Variants in CYP7B1 observed in about 807,000 individuals in gnomAD.
CYP7B1 encodes cytochrome P450 7B1.
In CYP7B1, 29 loss-of-function variants were observed where a neutral mutation model predicts 42.7. That is an observed-to-expected ratio of 0.68 (90% CI 0.51 to 0.93). The LOEUF (loss-of-function observed/expected upper bound fraction) is 0.93, where lower values mean the gene tolerates loss of function less well. Among genes scored for constraint, CYP7B1 ranks in the 40% least tolerant of loss-of-function variants. The probability of loss-of-function intolerance (pLI) is 0.00; values close to 1 mark genes in which losing one functional copy is unlikely to be tolerated. For missense variants in CYP7B1, 655 were observed against 600.5 expected (o/e 1.09, Z -0.95); for synonymous variants, 235 against 218.2 (o/e 1.08, Z -0.68).
chr8:64,590,669 ATAGT>A (rs1805022174), downstream of CYP7B1, among the ~76,000 whole-genome samples: 1 of 152,218 alleles, frequency 6.6e-6, no homozygotes, highest in Non-Finnish European at 1.5e-5. Flanking sequence ...ATACTCTGAA[ATAGT>A]TAATATACTT....
chr8:64,605,124 T>C (rs1805260864), intron 4 of CYP7B1, among the ~76,000 whole-genome samples: 1 of 152,124 alleles, frequency 6.6e-6, no homozygotes, highest in Non-Finnish European at 1.5e-5. Context: ...TAAGATTTTG[T>C]AGGAGAGGGT....
intron 1 of CYP7B1, among the ~76,000 whole-genome samples, chr8:64,792,525 T>G (rs1804635634): frequency 6.6e-6 from 1 of 152,170 alleles, no homozygotes; most frequent in Non-Finnish European, 1.5e-5. Flanking sequence ...TACTGAGTAT[T>G]TAATCAATTG....
At chr8:64,652,037 TATA>T (rs923452634) in intron 1 of CYP7B1, among the ~76,000 whole-genome samples, 5 of 152,194 alleles carry the variant, frequency 3.3e-5, no homozygotes, top group African/African-American at 1.2e-4. Context: ...GTGAATCACA[TATA>T]ATTTTACCTG....
intron 1 of CYP7B1, among the ~76,000 whole-genome samples, chr8:64,654,963 A>G (rs1806099845): frequency 6.6e-6 from 1 of 152,216 alleles, no homozygotes; most frequent in Admixed American, 6.5e-5. Context: ...GTAACTGGCT[A>G]GCCATATGCC....
chr8:64,618,850 T>C (rs1805487148), intron 2 of CYP7B1, among the ~76,000 whole-genome samples: 1 of 152,150 alleles, frequency 6.6e-6, no homozygotes, highest in Admixed American at 6.5e-5. Context: ...AGATCTAATC[T>C]CACTCCTTTC....
intron 1 of CYP7B1, among the ~76,000 whole-genome samples, chr8:64,747,837 T>G (rs1204292372): frequency 1.3e-5 from 2 of 152,086 alleles, no homozygotes; most frequent in East Asian, 3.8e-4. Flanking sequence ...TTATTATTAT[T>G]ATCATCACCA....
chr8:64,675,930 G>GTC (rs1476951902), intron 1 of CYP7B1, among the ~76,000 whole-genome samples: 1 of 152,066 alleles, frequency 6.6e-6, no homozygotes, highest in Non-Finnish European at 1.5e-5. Flanking sequence ...CCCCAGGGGG[G>GTC]TCTCTGAGGA....
At chr8:64,710,611 A>G (rs1261503393) in intron 1 of CYP7B1, among the ~76,000 whole-genome samples, 1 of 152,128 alleles carries the variant, frequency 6.6e-6, no homozygotes, top group Non-Finnish European at 1.5e-5. Context: ...CTCAGTTAGG[A>G]TACTTGCCAT....
At chr8:64,783,115 G>C (rs1042943439) in intron 1 of CYP7B1, among the ~76,000 whole-genome samples, 1 of 152,112 alleles carries the variant, frequency 6.6e-6, no homozygotes, top group Admixed American at 6.6e-5. Flanking sequence ...CTCTTGAATA[G>C]AAAATAACTT....
At chr8:64,694,538 G>C (rs1021485477) in intron 1 of CYP7B1, among the ~76,000 whole-genome samples, 4 of 152,188 alleles carry the variant, frequency 2.6e-5, no homozygotes, top group Admixed American at 2.6e-4. Context: ...TGCTGGCCTC[G>C]GGACTGCCTG....
intron 1 of CYP7B1, among the ~76,000 whole-genome samples, chr8:64,735,288 G>C (rs969319041): frequency 2.6e-5 from 4 of 152,168 alleles, no homozygotes; most frequent in Non-Finnish European, 5.9e-5. Flanking sequence ...AGCTGATTTT[G>C]AGAAATCACA....
At chr8:64,618,635 C>G (rs1489233304) in intron 2 of CYP7B1, among the ~76,000 whole-genome samples, 1 of 148,960 alleles carries the variant, frequency 6.7e-6, no homozygotes, top group East Asian at 2.0e-4. Context: ...TCTATTTCCT[C>G]CTCTCTCCTA....
At chr8:64,644,684 C>A (rs1042948667) in intron 1 of CYP7B1, among the ~76,000 whole-genome samples, 1 of 152,102 alleles carries the variant, frequency 6.6e-6, no homozygotes, top group Non-Finnish European at 1.5e-5. Context: ...TATTCAGTAA[C>A]CTATGCTGTA....
intron 1 of CYP7B1, among the ~76,000 whole-genome samples, chr8:64,738,324 A>G (rs1585886777): frequency 6.6e-6 from 1 of 152,158 alleles, no homozygotes; most frequent in East Asian, 1.9e-4. Flanking sequence ...TCAAAAACTG[A>G]ATTTCTAACA....
chr8:64,667,715 T>G (rs1323235735), intron 1 of CYP7B1, among the ~76,000 whole-genome samples: 3 of 152,186 alleles, frequency 2.0e-5, no homozygotes, highest in Non-Finnish European at 4.4e-5. Flanking sequence ...TATCCACACT[T>G]GCAAAATATC....
At chr8:64,623,493 T>G (rs1805561306) in intron 2 of CYP7B1, among the ~76,000 whole-genome samples, 1 of 152,218 alleles carries the variant, frequency 6.6e-6, no homozygotes, top group African/African-American at 2.4e-5. Flanking sequence ...CCAGACCAGT[T>G]GTTATTTTAA....
chr8:64,598,427 C>T (rs774459742), intron 5 of CYP7B1, among the ~76,000 whole-genome samples: 51 of 152,188 alleles, frequency 3.4e-4, no homozygotes, highest in South Asian at 1.7e-3. Flanking sequence ...TCCTCCTTCA[C>T]GCTGACCAAT....
At chr8:64,608,813 ATAAT>A (rs776042648) in intron 4 of CYP7B1, among the ~76,000 whole-genome samples, 1 of 152,230 alleles carries the variant, frequency 6.6e-6, no homozygotes, top group Non-Finnish European at 1.5e-5. Flanking sequence ...TTGAGGCAAA[ATAAT>A]TAATCTTTGG....
intron 1 of CYP7B1, among the ~76,000 whole-genome samples, chr8:64,671,082 C>A (rs1433307764): frequency 6.6e-6 from 1 of 151,668 alleles, no homozygotes; most frequent in African/African-American, 2.4e-5. Flanking sequence ...TATGTAAATG[C>A]CTCCCCCCCA....
Sources: gnomAD v4.1 joint callset for allele counts (sites outside exome capture counted in the v4.1 genomes callset) on GRCh38, gnomAD v4.1.1 for gene constraint, MANE v1.5 for transcripts, NCBI Gene and HGNC (gene_info 2026-07-23, HGNC 2026-07-21) for gene names.